The following ZIM2 variants were observed in gnomAD, a reference collection of about 807,000 sequenced individuals.
ZIM2 encodes the protein zinc finger protein 656.
Under a neutral mutation model 38.6 loss-of-function variants are expected in ZIM2, and 14 were observed. The ratio of observed to expected loss-of-function variants is 0.36; its 90% CI spans 0.24 to 0.57. The LOEUF (loss-of-function observed/expected upper bound fraction) is 0.57. ZIM2 is among the 20% of genes least tolerant of loss of function. The pLI is 0.81. For synonymous variants in ZIM2, 247 were observed against 245.8 expected (o/e 1.00, Z -0.04); for missense variants, 680 against 695.1 (o/e 0.98, Z 0.24).
intron 9 of ZIM2, chr19:56,810,841 A>G: frequency 2.1e-6 from 2 of 963,654 alleles, no homozygotes; most frequent in Non-Finnish European, 2.5e-6. Context: ...AAAATAATTT[A>G]CTTTATTTTC....
chr19:56,831,958 C>T (rs542753210), intron 2 of ZIM2, among the ~76,000 whole-genome samples: 32 of 152,270 alleles, frequency 2.1e-4, no homozygotes, highest in South Asian at 8.3e-4. Flanking sequence ...TGAGTGTGAA[C>T]TGTTTAATAA....
chr19:56,794,251 A>G (rs2047081304), intron 9 of ZIM2, among the ~76,000 whole-genome samples: 1 of 152,198 alleles, frequency 6.6e-6, no homozygotes, highest in African/African-American at 2.4e-5. Flanking sequence ...GTGATTTTGT[A>G]CTTTCTCTCA....
At chr19:56,810,684 T>C (rs895107632) in intron 9 of ZIM2, 6 of 975,574 alleles carry the variant, frequency 6.2e-6, no homozygotes, top group Non-Finnish European at 6.1e-6. Context: ...AACACTATTT[T>C]AGTTATTTTC....
chr19:56,814,458 A>T lies in ZIM2; in HGVS notation c.490+3288T>A. ...AATCCTTGCATTCATAGAATGGTAT[A>T]GCTCCTTTGAGGGGCTCAGTAAGAA... On this transcript the variant is annotated intron_variant, in intron 9 of 12. Coordinates refer to ENST00000629319, the MANE Select transcript of ZIM2 (RefSeq NM_001387356.1). The surrounding 1 kb of genome is among the most constrained non-coding windows in gnomAD (Gnocchi z 5.8). 5 of 1,613,858 alleles carry T rather than the reference A, an allele frequency of 3.1e-6. No homozygotes were observed. The highest frequency in any genetic ancestry group is 4.2e-6 in the Non-Finnish European group (5 of 1,179,732).
intron 9 of ZIM2, chr19:56,815,930 A>G: frequency 6.2e-7 from 1 of 1,606,844 alleles, no homozygotes; most frequent in South Asian, 1.1e-5. Context: ...GAAGCCACTA[A>G]GCTATGGATA....
chr19:56,838,128 C>A (rs1030687716), intron 1 of ZIM2, among the ~76,000 whole-genome samples: 2 of 152,158 alleles, frequency 1.3e-5, no homozygotes, highest in Non-Finnish European at 2.9e-5. Flanking sequence ...CGGGGCCATG[C>A]AGACCCCGTC....
intron 12 of ZIM2, among the ~76,000 whole-genome samples, chr19:56,778,377 CT>C (rs1369481587): frequency 1.3e-5 from 2 of 152,208 alleles, no homozygotes; most frequent in South Asian, 2.1e-4. Flanking sequence ...TGGACATCCA[CT>C]TTTCCACTCA....
chr19:56,824,639 T>C lies in ZIM2; in HGVS notation c.-150-212A>G, dbSNP rs1332869467. 1.9e-6 allele frequency: 3 copies of C among 1,597,720 alleles called. No homozygotes were observed. The East Asian group carries it at 6.7e-5, about 36-fold the overall frequency. On this transcript the variant is annotated intron_variant, in intron 3 of 12. Transcript: ENST00000629319. ...CTTCTTAGGTTTGGTGGCAGACAAG[T>C]GCTTTGGAGGCAGCATTTCTCTAAG...
chr19:56,808,626 A>T (rs2047886953), intron 9 of ZIM2, among the ~76,000 whole-genome samples: 1 of 152,036 alleles, frequency 6.6e-6, no homozygotes, highest in Non-Finnish European at 1.5e-5. Flanking sequence ...TAAACTCGAG[A>T]GCTGGCTAGC....
intron 1 of ZIM2, among the ~76,000 whole-genome samples, chr19:56,839,858 CCAGT>C (rs2062772850): frequency 6.6e-6 from 1 of 152,172 alleles, no homozygotes; most frequent in African/African-American, 2.4e-5. Flanking sequence ...CCAATGCCAC[CCAGT>C]CACTTGAGCC....
At chr19:56,827,886 A>C (rs1359885306) in intron 2 of ZIM2, among the ~76,000 whole-genome samples, 2 of 152,202 alleles carry the variant, frequency 1.3e-5, no homozygotes, top group Non-Finnish European at 2.9e-5. Context: ...CTAGAAGGAT[A>C]TATAAGAGAC....
Position 56,789,967 on chromosome 19 carries a change from G to A in ZIM2, c.491-16C>T. ...GCAAGGAAACCTAGAAGGGAGAGAG[G>A]AATACCATGGAATTGAGTCCTGTCT... is the stretch of plus-strand genomic sequence containing the variant. On this transcript the variant is annotated splice_polypyrimidine_tract_variant and intron_variant, in intron 9 of 12. Coordinates refer to ENST00000629319, the MANE Select transcript of ZIM2 (RefSeq NM_001387356.1). 1 of 1,519,902 alleles carries A rather than the reference G, an allele frequency of 6.6e-7. No homozygotes were observed. 94.2% of individuals were successfully genotyped at this position (1,519,902 alleles called of 1,614,324 possible).
chr19:56,811,723 T>A, intron 9 of ZIM2: 1 of 985,608 alleles, frequency 1.0e-6, no homozygotes, highest in Non-Finnish European at 1.2e-6. Context: ...GCTTTCCCGA[T>A]GTCCGTTCCA....
At chr19:56,816,664 T>G in intron 9 of ZIM2, 2 of 1,614,044 alleles carry the variant, frequency 1.2e-6, no homozygotes, top group Non-Finnish European at 1.7e-6. Flanking sequence ...ATGTTCACGC[T>G]CATTATCTTT....
rs2060719184 is a variant in ZIM2 at position 56,823,632 on chromosome 19, T to C, written c.64A>G (p.Arg22Gly). ...VTSDDDMTRN[R>G]RESSPPHSVH... is the part of the protein sequence containing the mutation. ...GAGTGAGGTGGTGAGGACTCTCTTC[T>C]GTTCCGGGTCATGTCGTCGTCGCTG... The change falls in exon 5 of 13, where the codon AGA (arginine) becomes GGA (glycine). Residue 22 changes from arginine to glycine, a missense_variant. Physicochemically the swap from Arg to Gly is moderately radical, Grantham distance 125. Coordinates refer to ENST00000629319, the MANE Select transcript of ZIM2 (RefSeq NM_001387356.1). 3.1e-6 allele frequency: 5 copies of C among 1,614,178 alleles called. No homozygotes were observed. Among genetic ancestry groups the C allele is most frequent in the Non-Finnish European group, 4.2e-6 (5 of 1,180,024 alleles).
chr19:56,795,447 C>G (rs1305158092), intron 9 of ZIM2, among the ~76,000 whole-genome samples: 1 of 152,256 alleles, frequency 6.6e-6, no homozygotes, highest in African/African-American at 2.4e-5. Flanking sequence ...CTATCCTACC[C>G]CGGGCCCAGC....
intron 9 of ZIM2, chr19:56,790,959 C>T (rs926539394): frequency 6.6e-6 from 1 of 152,132 alleles, no homozygotes; most frequent in African/African-American, 2.4e-5. Flanking sequence ...ACCCCTTTCC[C>T]TCCAGGAGCC....
intron 9 of ZIM2, among the ~76,000 whole-genome samples, chr19:56,806,333 T>C (rs1279876680): frequency 6.6e-6 from 1 of 152,236 alleles, no homozygotes; most frequent in African/African-American, 2.4e-5. Context: ...CTCATTACTC[T>C]GACATCTTCA....
At chr19:56,825,821 A>G (rs111770783) in intron 3 of ZIM2, among the ~76,000 whole-genome samples, 3,347 of 152,328 alleles carry the variant, frequency 0.022, 55 homozygotes, top group Middle Eastern at 0.034. Context: ...TTTAATTTGG[A>G]AAAAGTCTAA....
Sources: gnomAD v4.1 joint callset for allele counts (sites outside exome capture counted in the v4.1 genomes callset) on GRCh38, gnomAD v4.1.1 for gene constraint, Gnocchi (gnomAD v3.1) non-coding constraint, MANE v1.5 for transcripts, NCBI Gene and HGNC (gene_info 2026-07-23, HGNC 2026-07-21) for gene names.